Variants in PLEKHG7 observed in about 807,000 individuals in gnomAD.
PLEKHG7 encodes the protein pleckstrin homology domain-containing family G member 7.
A neutral mutation model predicts 85.2 loss-of-function variants in PLEKHG7; 77 were observed. The observed-to-expected ratio is 0.90, with a 90% CI of 0.75 to 1.09. The LOEUF is 1.09. PLEKHG7 is among the 50% of genes least tolerant of loss of function. PLEKHG7 has a pLI of 0.00. For synonymous variants in PLEKHG7, 301 were observed against 302.4 expected (o/e 1.00, Z 0.05); for missense variants, 777 against 804.3 (o/e 0.97, Z 0.41).
At chr12:92,758,777 A>G (rs1232805066) in intron 13 of PLEKHG7, among the ~76,000 whole-genome samples, 8 of 152,238 alleles carry the variant, frequency 5.3e-5, no homozygotes, top group Admixed American at 2.0e-4. Flanking sequence ...TCTACATGGC[A>G]TCAAGCCAAG....
In PLEKHG7 at chr12:92,770,177, A is replaced by G. The variant is rs369798040; in HGVS notation, c.2058A>G (p.Ala686=). Residue 686 remains alanine, a synonymous_variant, in exon 17 of 17, where the codon GCA becomes GCG. Coordinates refer to ENST00000344636, the MANE Select transcript of PLEKHG7 (RefSeq NM_001377329.1). ...TKKISLFTLP[A]ESSEI ...AAATATCTTTATTCACATTGCCCGC[A>G]GAATCCTCTGAAATTTAGGGACCTA... 3 of 1,600,854 alleles carry G rather than the reference A, an allele frequency of 1.9e-6. No homozygotes were observed. The highest frequency in any genetic ancestry group is 1.7e-6 in the Non-Finnish European group (2 of 1,172,704).
At chr12:92,763,978 C>T (rs1237833022) in intron 14 of PLEKHG7, 63 bp from the exon 15 acceptor site, 1 of 1,452,930 alleles carries the variant, frequency 6.9e-7, no homozygotes, top group East Asian at 2.3e-5. Flanking sequence ...TACAGATGCA[C>T]TTTAGATAAG....
At chr12:92,713,310 T>C (rs1871400489) in intron 3 of PLEKHG7, among the ~76,000 whole-genome samples, 1 of 152,198 alleles carries the variant, frequency 6.6e-6, no homozygotes, top group South Asian at 2.1e-4. Context: ...ACCTAGAAGT[T>C]TTCTGCTTAT....
chr12:92,745,497 G>C lies in PLEKHG7; in HGVS notation c.1157G>C (p.Cys386Ser). ...VLTKYFRGSL[C>S]QSHQTYCLNY... ...TTGCAGTATTTCCGAGGGAGTCTCT[G>C]TCAGAGCCACCAGACCTACTGCCTG... is the stretch of plus-strand genomic sequence containing the variant. Residue 386 changes from cysteine to serine, a missense_variant, in exon 10 of 17, where the codon TGT becomes TCT. Physicochemically the swap from Cys to Ser is moderately radical, Grantham distance 112. Transcript: ENST00000344636. The C allele has an allele frequency of 4.3e-6, 7 of 1,613,516 alleles. No homozygotes were observed. The highest frequency in any genetic ancestry group is 5.9e-6 in the Non-Finnish European group (7 of 1,179,490).
chr12:92,732,313 TC>T, intron 5 of PLEKHG7, 40 bp downstream of exon 5: 12 of 1,165,010 alleles, frequency 1.0e-5, no homozygotes, highest in Non-Finnish European at 1.2e-5. Flanking sequence ...TAATTAAGCT[TC>T]CTGTAGCTAA....
intron 15 of PLEKHG7, among the ~76,000 whole-genome samples, 174 bp from the exon 16 acceptor site, chr12:92,768,809 G>A (rs1873300382): frequency 6.6e-6 from 1 of 151,938 alleles, no homozygotes; most frequent in Admixed American, 6.6e-5. Flanking sequence ...TAGTGGTGGG[G>A]TCTTGGCATT....
chr12:92,737,347 G>A, intron 6 of PLEKHG7, 31 bp from the exon 7 acceptor site: 1 of 1,391,168 alleles, frequency 7.2e-7, no homozygotes, highest in Non-Finnish European at 9.3e-7. Context: ...AGGTGGAAAT[G>A]TTTTGTTCTC....
chr12:92,710,924 C>T (rs1385746881), intron 3 of PLEKHG7, among the ~76,000 whole-genome samples: 4 of 152,204 alleles, frequency 2.6e-5, no homozygotes, highest in Non-Finnish European at 5.9e-5. Context: ...CATTCATGAG[C>T]ACCTACGTGG....
chr12:92,742,495 G>A (rs1209377971), intron 9 of PLEKHG7, among the ~76,000 whole-genome samples: 1 of 151,858 alleles, frequency 6.6e-6, no homozygotes, highest in African/African-American at 2.4e-5. Flanking sequence ...AGAAGGAAGA[G>A]TTTTAACAAG....
intron 10 of PLEKHG7, among the ~76,000 whole-genome samples, chr12:92,753,611 C>T (rs1186077386): frequency 1.3e-5 from 2 of 152,210 alleles, no homozygotes; most frequent in Non-Finnish European, 2.9e-5. Context: ...GCCTCTTCAA[C>T]TTCTATCTTC....
In PLEKHG7 at chr12:92,740,960, A is replaced by G. The variant is rs1398195515; in HGVS notation, c.1035+12A>G. 2 of 1,562,430 alleles carry G rather than the reference A, an allele frequency of 1.3e-6. No homozygotes were observed. Among genetic ancestry groups the G allele is most frequent in the African/African-American group, 1.4e-5 (1 of 73,810 alleles). On this transcript the variant is annotated intron_variant, in intron 8 of 16. Transcript: ENST00000344636. Reference sequence around the variant, plus strand: ...AGGAGTTAACTCAGGTGAGCCAAGTAGGAAGATTCATGTTTTAACATTCAC... The same window carrying G: ...AGGAGTTAACTCAGGTGAGCCAAGTGGGAAGATTCATGTTTTAACATTCAC...
chr12:92,743,216 G>A (rs532821445), intron 9 of PLEKHG7, among the ~76,000 whole-genome samples: 5 of 152,264 alleles, frequency 3.3e-5, no homozygotes, highest in African/African-American at 1.2e-4. Flanking sequence ...ACCATTTGGA[G>A]ACCATGGCAA....
At chr12:92,765,129 A>T (rs1873153813) in intron 15 of PLEKHG7, among the ~76,000 whole-genome samples, 1 of 152,202 alleles carries the variant, frequency 6.6e-6, no homozygotes, top group Non-Finnish European at 1.5e-5. Flanking sequence ...TTAAAGAGTG[A>T]ATGAATGAAT....
chr12:92,707,827 C>T (rs968324937), intron 3 of PLEKHG7, 155 bp downstream of exon 3: 9 of 1,295,774 alleles, frequency 6.9e-6, no homozygotes, highest in Admixed American at 2.1e-5. Flanking sequence ...TATAGGTGCA[C>T]GAGTTTTCAT....
chr12:92,731,688 G>C (rs1871998170), intron 4 of PLEKHG7, among the ~76,000 whole-genome samples: 1 of 152,228 alleles, frequency 6.6e-6, no homozygotes, highest in Non-Finnish European at 1.5e-5. Flanking sequence ...AAGATGGCCA[G>C]TAGCAAGAAG....
chr12:92,756,537 C>T (rs1872838807), intron 13 of PLEKHG7, 146 bp downstream of exon 13: 1 of 670,020 alleles, frequency 1.5e-6, no homozygotes. Context: ...TATGGAGTCA[C>T]ACAGACTCAG....
At chr12:92,757,966 G>A (rs1315393273) in intron 13 of PLEKHG7, among the ~76,000 whole-genome samples, 2 of 152,210 alleles carry the variant, frequency 1.3e-5, no homozygotes, top group Non-Finnish European at 2.9e-5. Context: ...ACACGGTGAG[G>A]TGAGAAGACT....
chr12:92,708,707 CAGTGA>C (rs1871309236), intron 3 of PLEKHG7, among the ~76,000 whole-genome samples: 1 of 152,130 alleles, frequency 6.6e-6, no homozygotes, highest in South Asian at 2.1e-4. Context: ...ATTCTTTATA[CAGTGA>C]AGGGAGAGGT....
intron 4 of PLEKHG7, among the ~76,000 whole-genome samples, chr12:92,730,481 G>T (rs1382237571): frequency 1.3e-5 from 2 of 152,240 alleles, no homozygotes; most frequent in Non-Finnish European, 2.9e-5. Flanking sequence ...AACTCTGGGG[G>T]TGGTGTCCAG....
Sources: allele counts gnomAD v4.1 joint callset (sites outside exome capture counted in the v4.1 genomes callset), GRCh38; gene constraint gnomAD v4.1.1; transcripts MANE v1.5; gene names NCBI Gene and HGNC (gene_info 2026-07-23, HGNC 2026-07-21).